LDLRAD3: variants seen among roughly 807,000 people sequenced by gnomAD.
LDLRAD3 encodes the protein low density lipoprotein receptor class A domain containing 3.
LDLRAD3 carries 20 observed loss-of-function variants against 29.4 expected under a neutral mutation model. That is an observed-to-expected ratio of 0.68 (90% confidence interval 0.48 to 0.99). LDLRAD3 has a LOEUF of 0.99. Ranked by LOEUF, LDLRAD3 falls within the 50% of genes least tolerant of loss-of-function variation. The pLI, the probability that LDLRAD3 is intolerant of heterozygous loss-of-function variation, is 0.00. For missense variants in LDLRAD3, 420 were observed against 454.3 expected (o/e 0.92, Z 0.69); for synonymous variants, 157 against 192.7 (o/e 0.81, Z 1.53).
chr11:36,126,407 A>G (rs1452620998), intron 4 of LDLRAD3, among the ~76,000 whole-genome samples: 2 of 152,098 alleles, frequency 1.3e-5, no homozygotes, highest in Non-Finnish European at 2.9e-5. Flanking sequence ...TCCTAATGTA[A>G]TCAATATGCT....
intron 2 of LDLRAD3, among the ~76,000 whole-genome samples, chr11:36,053,455 C>T (rs1203536905): frequency 1.3e-5 from 2 of 152,154 alleles, no homozygotes; most frequent in South Asian, 2.1e-4. Flanking sequence ...TAGAAATGCT[C>T]AGGCTTTTGA....
At chr11:36,081,364 G>A (rs1362757006) in intron 2 of LDLRAD3, among the ~76,000 whole-genome samples, 1 of 152,198 alleles carries the variant, frequency 6.6e-6, no homozygotes, top group Non-Finnish European at 1.5e-5. Flanking sequence ...TTACTTACCT[G>A]TTCTTCGTTC....
rs1190274636 is a variant in LDLRAD3, at chr11:36,227,246, C to T, written c.616C>T (p.Leu206=). 6.2e-7 allele frequency: 1 copy of T among 1,614,224 alleles called. No individual in the cohort carries two copies. Among genetic ancestry groups the T allele is most frequent in the Non-Finnish European group, 8.5e-7 (1 of 1,180,036 alleles). The change falls in exon 5 of 6, where the codon CTG becomes TTG. Residue 206 remains leucine, a synonymous_variant. Coordinates refer to ENST00000315571, the MANE Select transcript of LDLRAD3 (RefSeq NM_174902.4). Reference sequence around the variant, plus strand: ...GCGGAAGCGGAACAACCTCATGACGCTGCCCGTGCACCGGCTGCAGCACCC... The same window carrying T: ...GCGGAAGCGGAACAACCTCATGACGTTGCCCGTGCACCGGCTGCAGCACCC... ...HQRKRNNLMT[L]PVHRLQHPVL...
chr11:35,976,259 CAGTT>C (rs924144113), intron 1 of LDLRAD3, among the ~76,000 whole-genome samples: 9 of 152,006 alleles, frequency 5.9e-5, no homozygotes, highest in African/African-American at 1.9e-4. Flanking sequence ...GAAGTGTACA[CAGTT>C]AGATCCTTAT....
At chr11:36,077,420 G>GGGCTTCTCTGCCTACTT (rs1212569925) in intron 2 of LDLRAD3, among the ~76,000 whole-genome samples, 1 of 152,206 alleles carries the variant, frequency 6.6e-6, no homozygotes, top group Non-Finnish European at 1.5e-5. Context: ...CTGGCCTGCT[G>GGGCTTCTCTGCCTACTT]GGCTTCTCTG....
chr11:36,028,607 G>A, intron 1 of LDLRAD3, among the ~76,000 whole-genome samples: 1 of 152,102 alleles, frequency 6.6e-6, no homozygotes, highest in South Asian at 2.1e-4. Context: ...TTGATAATGG[G>A]AAGCACTAAC....
At chr11:36,205,685 A>G (rs1395367775) in intron 4 of LDLRAD3, among the ~76,000 whole-genome samples, 1 of 152,240 alleles carries the variant, frequency 6.6e-6, no homozygotes, top group Non-Finnish European at 1.5e-5. Flanking sequence ...GGAAGTTTGT[A>G]ATTATGACTG....
intron 4 of LDLRAD3, among the ~76,000 whole-genome samples, chr11:36,218,108 A>G (rs1802217370): frequency 6.6e-6 from 1 of 152,200 alleles, no homozygotes. Flanking sequence ...GAATAGGGTA[A>G]GAGCTGCCAG....
intron 4 of LDLRAD3, among the ~76,000 whole-genome samples, chr11:36,174,283 C>A (rs1236478413): frequency 6.6e-6 from 1 of 152,196 alleles, no homozygotes; most frequent in Non-Finnish European, 1.5e-5. Flanking sequence ...CTAGACAATG[C>A]CATTCAGGCC....
At chr11:36,170,519 C>G (rs980418205) in intron 4 of LDLRAD3, among the ~76,000 whole-genome samples, 2 of 151,690 alleles carry the variant, frequency 1.3e-5, no homozygotes, top group Non-Finnish European at 2.9e-5. Context: ...GGGTAGATAC[C>G]CAGTAATGAA....
At chr11:36,027,958 G>C (rs1451399824) in intron 1 of LDLRAD3, among the ~76,000 whole-genome samples, 1 of 152,182 alleles carries the variant, frequency 6.6e-6, no homozygotes, top group Non-Finnish European at 1.5e-5. Context: ...AAAGACAGAA[G>C]GCATAGGAGG....
At chr11:36,208,205 T>C (rs1590357225) in intron 4 of LDLRAD3, among the ~76,000 whole-genome samples, 1 of 152,288 alleles carries the variant, frequency 6.6e-6, no homozygotes, top group East Asian at 1.9e-4. Flanking sequence ...CTGAAAGTGT[T>C]CCCCGTGGCC....
intron 4 of LDLRAD3, among the ~76,000 whole-genome samples, chr11:36,194,386 A>C (rs1170771413): frequency 6.6e-6 from 1 of 152,204 alleles, no homozygotes; most frequent in Admixed American, 6.5e-5. Context: ...CAGAACTTCT[A>C]AGGGGCCAGG....
chr11:36,155,284 C>T (rs762058711), intron 4 of LDLRAD3, among the ~76,000 whole-genome samples: 71 of 152,188 alleles, frequency 4.7e-4, no homozygotes, highest in Admixed American at 9.2e-4. Context: ...GATTCTGCCC[C>T]TCTGCTCTGT....
intron 2 of LDLRAD3, among the ~76,000 whole-genome samples, chr11:36,078,003 A>T (rs1202160873): frequency 6.6e-6 from 1 of 151,870 alleles, no homozygotes; most frequent in African/African-American, 2.4e-5. Flanking sequence ...CTCAGAGGAG[A>T]CTCACAGTGG....
chr11:36,014,829 C>G (rs942898616), intron 1 of LDLRAD3, among the ~76,000 whole-genome samples: 5 of 152,190 alleles, frequency 3.3e-5, no homozygotes, highest in African/African-American at 1.2e-4. Context: ...GTATAGCTTG[C>G]TATAAACTTT....
chr11:35,951,048 C>T (rs1313392509), intron 1 of LDLRAD3, among the ~76,000 whole-genome samples: 1 of 151,946 alleles, frequency 6.6e-6, no homozygotes, highest in Non-Finnish European at 1.5e-5. Flanking sequence ...GTGCCACTGA[C>T]TCCAGCCTGG....
At chr11:35,957,277 T>C (rs1313785572) in intron 1 of LDLRAD3, among the ~76,000 whole-genome samples, 1 of 152,244 alleles carries the variant, frequency 6.6e-6, no homozygotes, top group Admixed American at 6.5e-5. Flanking sequence ...CGTTTTCCCA[T>C]GTTACACTAA....
At position 35,977,460 on chromosome 11, in the gene LDLRAD3, G is replaced by T. The variant is rs543252117; in HGVS notation, c.46+33316G>T. Among the ~76,000 whole-genome samples the T allele has an allele frequency of 3.3e-5, 5 of 152,208 alleles. No individual in the cohort carries two copies. In the East Asian group the frequency reaches 7.7e-4, roughly 24 times the overall value. On this transcript the variant is annotated intron_variant, in intron 1 of 5. Coordinates refer to ENST00000315571, the MANE Select transcript of LDLRAD3 (RefSeq NM_174902.4). ...GGGGCCGGGAGGAGTGTATGAAGGG[G>T]TTCATTATGAAGGGAAGAGGACCAA...
Sources: gnomAD v4.1 joint callset for allele counts (sites outside exome capture counted in the v4.1 genomes callset) on GRCh38, gnomAD v4.1.1 for gene constraint, MANE v1.5 for transcripts, NCBI Gene and HGNC (gene_info 2026-07-23, HGNC 2026-07-21) for gene names.